The following MEGF11 variants were observed in gnomAD, a reference collection of about 807,000 sequenced individuals.
MEGF11 encodes the protein multiple epidermal growth factor-like domains protein 11.
A neutral mutation model predicts 146.6 loss-of-function variants in MEGF11; 126 were observed. The observed-to-expected ratio is 0.86, with a 90% CI of 0.74 to 1.00. The LOEUF (loss-of-function observed/expected upper bound fraction) is 1.00, where lower values mean the gene tolerates loss of function less well. Ranked by LOEUF, MEGF11 falls within the 50% of genes least tolerant of loss-of-function variation. The pLI is 0.00. For synonymous variants in MEGF11, 532 were observed against 583.4 expected, an observed-to-expected ratio of 0.91 and a Z score of 1.27; for missense variants, 1,509 against 1,521.2, an observed-to-expected ratio of 0.99 and a Z score of 0.13.
chr15:65,948,941 GC>G (rs1383889316), intron 10 of MEGF11, among the ~76,000 whole-genome samples: 2 of 152,192 alleles, frequency 1.3e-5, no homozygotes, highest in African/African-American at 4.8e-5. Context: ...CATTCCCGGT[GC>G]TGCATTCAGG....
intron 5 of MEGF11, among the ~76,000 whole-genome samples, chr15:65,993,148 A>G (rs1197728218): frequency 6.6e-6 from 1 of 152,186 alleles, no homozygotes; most frequent in African/African-American, 2.4e-5. Flanking sequence ...CTAGAGTCCA[A>G]GTCAGCACTC....
At chr15:66,198,359 C>T (rs1225704981) in intron 1 of MEGF11, among the ~76,000 whole-genome samples, 2 of 152,228 alleles carry the variant, frequency 1.3e-5, no homozygotes, top group Admixed American at 6.5e-5. Context: ...TTTCTCTGAT[C>T]GCGCACAAAC....
rs774209856 is a variant in MEGF11 at position 65,982,371 on chromosome 15, C to A, written c.512G>T (p.Arg171Leu). The stretch of plus-strand genomic sequence containing the variant: ...GCCAGGTGCGCAGAGCTCCTCGCAG[C>A]GCCATCCACGGAAGCCGGCGGCGCA... Reference protein sequence around the residue: ...CVCAAGFRGWRCEELCAPGTH... With the variant: ...CVCAAGFRGWLCEELCAPGTH... The change falls in exon 6 of 26, where the codon CGC becomes CTC. Residue 171 changes from arginine to leucine, a missense_variant. Transcript: ENST00000395614. The surrounding 1 kb of genome is among the most constrained non-coding windows in gnomAD (Gnocchi z 5.6). The A allele has an allele frequency of 1.0e-5, 16 of 1,533,376 alleles. No individual in the cohort carries two copies. The highest frequency in any genetic ancestry group is 1.3e-5 in the Non-Finnish European group (15 of 1,142,140). The allele number at this position is 1,533,376 out of a possible 1,614,324, so 95.0% of individuals were successfully genotyped here. A position where few individuals can be genotyped will look rare whatever the true frequency, so the allele number is the denominator to read the frequency against.
intron 1 of MEGF11, among the ~76,000 whole-genome samples, chr15:66,193,952 A>T (rs1270404338): frequency 6.6e-6 from 1 of 152,156 alleles, no homozygotes; most frequent in African/African-American, 2.4e-5. Flanking sequence ...GAGTCTTTAA[A>T]GAACTAAAAG....
chr15:65,917,152 T>C (rs1485628785), intron 16 of MEGF11, among the ~76,000 whole-genome samples, 196 bp from the exon 17 acceptor site: 1 of 152,192 alleles, frequency 6.6e-6, no homozygotes, highest in African/African-American at 2.4e-5. Context: ...AGGATTCCCA[T>C]TAAGCCCAGA....
intron 8 of MEGF11, among the ~76,000 whole-genome samples, chr15:65,968,062 C>CA (rs2081172217): frequency 6.6e-6 from 1 of 152,076 alleles, no homozygotes; most frequent in Admixed American, 6.6e-5. Context: ...CAAATCTTGT[C>CA]ATATTTCAGC....
chr15:65,928,745 A>AT (rs2079464929), intron 12 of MEGF11, among the ~76,000 whole-genome samples: 2 of 152,058 alleles, frequency 1.3e-5, no homozygotes, highest in South Asian at 4.2e-4. Context: ...CACAGCCATG[A>AT]AGACACTCTG....
At position 66,209,508 on chromosome 15, in the gene MEGF11, C is replaced by G. The variant is rs79165766; in HGVS notation, c.-9+44097G>C. Among the ~76,000 whole-genome samples the G allele has an allele frequency of 4.8e-3, 726 of 152,268 alleles. 4 individuals carry two copies. The highest frequency in any genetic ancestry group is 0.022 in the East Asian group (112 of 5,188). On this transcript the variant is annotated intron_variant, in intron 1 of 25. Coordinates refer to ENST00000395614, the MANE Select transcript of MEGF11 (RefSeq NM_001385028.1). ...TGTAACAGCCAAAAACTAGAAATAA[C>G]CTGGATGCCCTTCAAAGAGTGAATA... is the stretch of plus-strand genomic sequence containing the variant.
intron 5 of MEGF11, among the ~76,000 whole-genome samples, chr15:66,071,110 T>A (rs907125593): frequency 2.0e-5 from 3 of 152,104 alleles, no homozygotes; most frequent in African/African-American, 4.8e-5. Flanking sequence ...AAGAAGGAGA[T>A]AAAAGCTCCA....
At chr15:66,031,500 G>A (rs967114980) in intron 5 of MEGF11, among the ~76,000 whole-genome samples, 7 of 152,136 alleles carry the variant, frequency 4.6e-5, no homozygotes, top group East Asian at 1.9e-4. Flanking sequence ...GATCAGAGGT[G>A]GAGCACAGGA....
chr15:66,104,497 G>C (rs996040090), intron 4 of MEGF11, among the ~76,000 whole-genome samples: 5 of 152,168 alleles, frequency 3.3e-5, no homozygotes, highest in Admixed American at 1.3e-4. Context: ...TAATCACTTT[G>C]CCTCTCTTAA....
At chr15:66,051,624 T>C (rs909813056) in intron 5 of MEGF11, among the ~76,000 whole-genome samples, 2 of 152,180 alleles carry the variant, frequency 1.3e-5, no homozygotes, top group South Asian at 2.1e-4. Flanking sequence ...CCAGAGTTGT[T>C]AAATGAAGGT....
At chr15:66,224,817 C>T (rs1404783620) in intron 1 of MEGF11, among the ~76,000 whole-genome samples, 4 of 150,630 alleles carry the variant, frequency 2.7e-5, no homozygotes, top group African/African-American at 9.8e-5. Context: ...GTAATATTTC[C>T]CCAGATGGGG....
intron 10 of MEGF11, among the ~76,000 whole-genome samples, chr15:65,940,062 G>A (rs527894503): frequency 6.6e-6 from 1 of 152,280 alleles, no homozygotes; most frequent in South Asian, 2.1e-4. Flanking sequence ...GTGGAATAGA[G>A]CTTGTCAGTA....
intron 16 of MEGF11, 125 bp downstream of exon 16, chr15:65,917,841 C>T: frequency 1.1e-5 from 12 of 1,132,598 alleles, no homozygotes; most frequent in Non-Finnish European, 1.5e-5. Flanking sequence ...GGGCTCATTC[C>T]TACATGCAGA....
At chr15:66,011,279 C>T (rs1284240446) in intron 5 of MEGF11, among the ~76,000 whole-genome samples, 1 of 152,108 alleles carries the variant, frequency 6.6e-6, no homozygotes, top group East Asian at 1.9e-4. Context: ...GAGTGGGAGG[C>T]AGGTCAAAAG....
At chr15:65,913,643 T>A in intron 20 of MEGF11, 94 bp downstream of exon 20, 1 of 1,121,856 alleles carries the variant, frequency 8.9e-7, no homozygotes, top group South Asian at 1.4e-5. Flanking sequence ...AGCTTCCACA[T>A]TCAGCCACAG....
At chr15:66,038,579 C>T (rs1160573500) in intron 5 of MEGF11, among the ~76,000 whole-genome samples, 2 of 152,124 alleles carry the variant, frequency 1.3e-5, no homozygotes, top group Admixed American at 6.5e-5. Context: ...AAAACATGGG[C>T]GGTGTGCCAG....
intron 10 of MEGF11, among the ~76,000 whole-genome samples, chr15:65,943,082 G>T (rs1298907666): frequency 2.1e-5 from 3 of 144,374 alleles, no homozygotes; most frequent in African/African-American, 7.7e-5. Context: ...CGCCCCCCGG[G>T]TTCAAGCGAT....
Sources: gnomAD v4.1 joint callset for allele counts (sites outside exome capture counted in the v4.1 genomes callset) on GRCh38, gnomAD v4.1.1 for gene constraint, Gnocchi (gnomAD v3.1) non-coding constraint, MANE v1.5 for transcripts, NCBI Gene and HGNC (gene_info 2026-07-23, HGNC 2026-07-21) for gene names.